Variants in ITGA9 observed in about 807,000 individuals in gnomAD.
The protein encoded by ITGA9 is integrin alpha-9.
ITGA9 carries 56 observed loss-of-function variants against 127.8 expected under a neutral mutation model. That is an observed-to-expected ratio of 0.44 (90% CI 0.35 to 0.55). The LOEUF (loss-of-function observed/expected upper bound fraction) is 0.55. Ranked by LOEUF, ITGA9 falls within the 20% of genes least tolerant of loss-of-function variation. The pLI is 0.00. For synonymous variants in ITGA9, 508 were observed against 514.5 expected, an observed-to-expected ratio of 0.99 and a Z score of 0.17; for missense variants, 1,196 against 1,347.1, an observed-to-expected ratio of 0.89 and a Z score of 1.76.
At chr3:37,675,337 G>A (rs947026459) in intron 17 of ITGA9, among the ~76,000 whole-genome samples, 17 of 152,176 alleles carry the variant, frequency 1.1e-4, no homozygotes, top group Non-Finnish European at 2.1e-4. Flanking sequence ...GGTGCTCAGG[G>A]AGCTGACTGG....
intron 21 of ITGA9, among the ~76,000 whole-genome samples, 192 bp downstream of exon 21, chr3:37,742,011 T>A (rs1456329492): frequency 6.6e-6 from 1 of 152,262 alleles, no homozygotes; most frequent in African/African-American, 2.4e-5. Context: ...TTTTCTCCTC[T>A]GTCCCACCTA....
chr3:37,601,513 G>C (rs1423666749), intron 15 of ITGA9, among the ~76,000 whole-genome samples: 1 of 152,174 alleles, frequency 6.6e-6, no homozygotes, highest in Non-Finnish European at 1.5e-5. Flanking sequence ...ATGAACTGTT[G>C]ATAATTCCCT....
At chr3:37,804,399 A>G (rs1366967848) in intron 27 of ITGA9, among the ~76,000 whole-genome samples, 1 of 152,248 alleles carries the variant, frequency 6.6e-6, no homozygotes, top group Non-Finnish European at 1.5e-5. Flanking sequence ...TAGCTTCATC[A>G]TAACTTCTCC....
chr3:37,592,790 G>A (rs1473430589), intron 15 of ITGA9, among the ~76,000 whole-genome samples: 1 of 152,208 alleles, frequency 6.6e-6, no homozygotes, highest in Admixed American at 6.5e-5. Flanking sequence ...GGACGATGCT[G>A]AGAGGGAAGG....
At chr3:37,528,666 T>A (rs557005390) in intron 13 of ITGA9, among the ~76,000 whole-genome samples, 2 of 152,220 alleles carry the variant, frequency 1.3e-5, no homozygotes, top group African/African-American at 4.8e-5. Flanking sequence ...TGCAAGTGAA[T>A]AATAATGCAA....
At chr3:37,692,740 T>C (rs1481719993) in intron 18 of ITGA9, among the ~76,000 whole-genome samples, 1 of 152,160 alleles carries the variant, frequency 6.6e-6, no homozygotes, top group African/African-American at 2.4e-5. Context: ...ATGCACGTAA[T>C]ACATAATAGC....
chr3:37,790,511 C>T lies in ITGA9; in HGVS notation c.2889+5433C>T, dbSNP rs980442613. ...ACACTGGCACAGGAAGCCTCCAGGG[C>T]GTCTGGAGCATGCACACATGTCCTG... On this transcript the variant is annotated intron_variant, in intron 26 of 27. Coordinates refer to ENST00000264741, the MANE Select transcript of ITGA9 (RefSeq NM_002207.3). The T allele has an allele frequency of 2.0e-5, 6 of 293,772 alleles. No homozygotes were observed. In the East Asian group the frequency reaches 2.5e-4, roughly 12 times the overall value. 18.2% of individuals were successfully genotyped at this position (293,772 alleles called of 1,614,324 possible).
chr3:37,659,260 C>G (rs578074801), intron 17 of ITGA9, among the ~76,000 whole-genome samples: 1 of 152,228 alleles, frequency 6.6e-6, no homozygotes, highest in Non-Finnish European at 1.5e-5. Flanking sequence ...TGGATAATAT[C>G]CTGAAGAGTG....
chr3:37,514,988 A>C (rs1056209413), intron 9 of ITGA9, among the ~76,000 whole-genome samples: 4 of 152,184 alleles, frequency 2.6e-5, no homozygotes, highest in African/African-American at 4.8e-5. Context: ...GGGGGACAGC[A>C]GTGCATCGTG....
intron 3 of ITGA9, 22 bp downstream of exon 3, chr3:37,473,482 T>G (rs1698459223): frequency 1.3e-6 from 2 of 1,564,556 alleles, no homozygotes; most frequent in Non-Finnish European, 8.8e-7. Flanking sequence ...CTGGGGGTGC[T>G]GTGGGAAGGG....
At chr3:37,807,795 T>C (rs764890954) in intron 27 of ITGA9, 4 of 152,266 alleles carry the variant, frequency 2.6e-5, no homozygotes, top group African/African-American at 9.7e-5. Flanking sequence ...GCCATTGCCA[T>C]GGGTCAAGGT....
intron 17 of ITGA9, among the ~76,000 whole-genome samples, chr3:37,679,413 C>T (rs957932848): frequency 4.6e-5 from 7 of 152,178 alleles, no homozygotes; most frequent in Non-Finnish European, 4.4e-5. Context: ...TGCCAAAGCC[C>T]TTCCCGACTG....
At chr3:37,753,340 C>T (rs886628034) in intron 23 of ITGA9, among the ~76,000 whole-genome samples, 1 of 152,202 alleles carries the variant, frequency 6.6e-6, no homozygotes, top group African/African-American at 2.4e-5. Context: ...CATAAAATGC[C>T]ATTGTAATAC....
At chr3:37,791,424 G>A (rs1420545033) in intron 26 of ITGA9, among the ~76,000 whole-genome samples, 1 of 152,112 alleles carries the variant, frequency 6.6e-6, no homozygotes, top group Non-Finnish European at 1.5e-5. Flanking sequence ...GAATGGATTC[G>A]AAGGCTATCC....
At chr3:37,782,943 G>T (rs867154751) in intron 25 of ITGA9, among the ~76,000 whole-genome samples, 3 of 152,158 alleles carry the variant, frequency 2.0e-5, no homozygotes, top group African/African-American at 7.2e-5. Flanking sequence ...TTCAAGACCA[G>T]CCTGGCCAAC....
intron 24 of ITGA9, among the ~76,000 whole-genome samples, chr3:37,778,033 A>C (rs770639589): frequency 2.6e-5 from 4 of 152,256 alleles, no homozygotes; most frequent in Non-Finnish European, 5.9e-5. Flanking sequence ...GTATATCCAT[A>C]CACTGGAATA....
intron 15 of ITGA9, among the ~76,000 whole-genome samples, chr3:37,594,149 C>T (rs1699847374): frequency 6.6e-6 from 1 of 152,212 alleles, no homozygotes; most frequent in Non-Finnish European, 1.5e-5. Context: ...AGCTCTGGGT[C>T]AGCAGCAGTC....
intron 15 of ITGA9, among the ~76,000 whole-genome samples, chr3:37,619,749 G>A (rs529728295): frequency 1.3e-5 from 2 of 152,328 alleles, no homozygotes; most frequent in East Asian, 1.9e-4. Context: ...ATGCGGCTTG[G>A]GGTCTTGCTC....
chr3:37,783,104 A>C (rs987504047), intron 25 of ITGA9, among the ~76,000 whole-genome samples: 4 of 151,294 alleles, frequency 2.6e-5, no homozygotes, highest in African/African-American at 4.9e-5. Flanking sequence ...GTGCCATTGC[A>C]CTCCAGCCTG....
Sources: gnomAD v4.1 joint callset for allele counts (sites outside exome capture counted in the v4.1 genomes callset) on GRCh38, gnomAD v4.1.1 for gene constraint, MANE v1.5 for transcripts, NCBI Gene and HGNC (gene_info 2026-07-23, HGNC 2026-07-21) for gene names.